SIPA1L1: variants seen among roughly 807,000 people sequenced by gnomAD.
SIPA1L1 encodes signal-induced proliferation-associated 1-like protein 1.
Under a neutral mutation model 162.7 loss-of-function variants are expected in SIPA1L1, and 26 were observed. The ratio of observed to expected loss-of-function variants is 0.16; its 90% confidence interval spans 0.12 to 0.22. The LOEUF is 0.22. Among genes scored for constraint, SIPA1L1 ranks in the 10% least tolerant of loss-of-function variants. SIPA1L1 has a pLI of 1.00. For synonymous variants in SIPA1L1, 829 were observed against 837.4 expected, an observed-to-expected ratio of 0.99 and a Z score of 0.17; for missense variants, 1,874 against 2,241.0, an observed-to-expected ratio of 0.84 and a Z score of 3.31.
chr14:71,343,463 A>C (rs1273968556), intron 2 of SIPA1L1, among the ~76,000 whole-genome samples: 1 of 152,180 alleles, frequency 6.6e-6, no homozygotes, highest in African/African-American at 2.4e-5. Flanking sequence ...GAAGGAAATA[A>C]TTTAAATGTA....
chr14:71,473,175 A>T (rs36529), intron 2 of SIPA1L1, among the ~76,000 whole-genome samples: 18,285 of 152,210 alleles, frequency 0.12, 1,515 homozygotes, highest in East Asian at 0.41. Flanking sequence ...AACAGTACAC[A>T]TTACTTTCAG....
At chr14:71,411,919 C>CT (rs912355337) in intron 2 of SIPA1L1, among the ~76,000 whole-genome samples, 8 of 152,196 alleles carry the variant, frequency 5.3e-5, no homozygotes, top group African/African-American at 1.7e-4. Flanking sequence ...CTGATGGAAT[C>CT]TTTCTAAGTG....
At chr14:71,610,234 A>T (rs1466419361) in intron 5 of SIPA1L1, among the ~76,000 whole-genome samples, 2 of 152,206 alleles carry the variant, frequency 1.3e-5, no homozygotes, top group Non-Finnish European at 2.9e-5. Flanking sequence ...AGTAAAAATA[A>T]AGATGCATTT....
chr14:71,427,706 C>T (rs1248456195), intron 2 of SIPA1L1, among the ~76,000 whole-genome samples: 1 of 152,108 alleles, frequency 6.6e-6, no homozygotes, highest in African/African-American at 2.4e-5. Context: ...TTGATTCCCT[C>T]AGTGGATTTT....
chr14:71,506,485 G>C (rs1297804653), intron 2 of SIPA1L1, among the ~76,000 whole-genome samples: 2 of 151,692 alleles, frequency 1.3e-5, no homozygotes, highest in Non-Finnish European at 2.9e-5. Context: ...GGATTACAGG[G>C]GCGTGCCACC....
In SIPA1L1 at chr14:71,661,597, C is replaced by T. The variant is rs572539198; in HGVS notation, c.2255+130C>T. 10 of 935,182 alleles carry T rather than the reference C, an allele frequency of 1.1e-5. No individual in the cohort carries two copies. The South Asian group carries it at 2.0e-4, about 19-fold the overall frequency. 57.9% of individuals were successfully genotyped at this position (935,182 alleles called of 1,614,324 possible). ...TATTTCTTTTTGTCTTTAAACCATG[C>T]ATGCGGATGGCTGAATTCACATGAT... On this transcript the variant is annotated intron_variant, in intron 10 of 23. Transcript: ENST00000381232.
chr14:71,517,169 T>C (rs2051823786), intron 3 of SIPA1L1, among the ~76,000 whole-genome samples: 1 of 151,944 alleles, frequency 6.6e-6, no homozygotes, highest in South Asian at 2.1e-4. Context: ...AACTGGGGGA[T>C]CACATTATTG....
intron 2 of SIPA1L1, among the ~76,000 whole-genome samples, chr14:71,506,902 G>A (rs1166034529): frequency 2.7e-5 from 4 of 149,918 alleles, no homozygotes; most frequent in African/African-American, 7.4e-5. Context: ...GGGCTCAAGC[G>A]TTCCACCCAC....
At chr14:71,581,195 T>G (rs1440254085) in intron 4 of SIPA1L1, among the ~76,000 whole-genome samples, 19 of 151,992 alleles carry the variant, frequency 1.3e-4, no homozygotes, top group Admixed American at 1.2e-3. Context: ...AGTGGTGGTG[T>G]TTTCTGCTTT....
intron 2 of SIPA1L1, among the ~76,000 whole-genome samples, chr14:71,451,596 T>C (rs890397453): frequency 6.7e-6 from 1 of 148,208 alleles, no homozygotes. Context: ...GATTGTACCA[T>C]TGCACTCCAA....
chr14:71,384,441 G>T (rs567954461), intron 2 of SIPA1L1, among the ~76,000 whole-genome samples: 1 of 152,342 alleles, frequency 6.6e-6, no homozygotes, highest in Non-Finnish European at 1.5e-5. Context: ...AGAACAGCAT[G>T]AGTGGTGCAC....
At chr14:71,634,863 G>A (rs2040965501) in intron 7 of SIPA1L1, among the ~76,000 whole-genome samples, 1 of 151,946 alleles carries the variant, frequency 6.6e-6, no homozygotes, top group Non-Finnish European at 1.5e-5. Flanking sequence ...GGGTACCTGG[G>A]AGGCGGAGCT....
At chr14:71,436,827 C>T (rs554616163) in intron 2 of SIPA1L1, among the ~76,000 whole-genome samples, 36 of 148,054 alleles carry the variant, frequency 2.4e-4, no homozygotes, top group South Asian at 8.6e-4. Flanking sequence ...TGCAGTGGCA[C>T]GATCTCGGCT....
Position 71,672,427 on chromosome 14 carries a change from A to C in SIPA1L1, c.2909A>C (p.Tyr970Ser), listed in dbSNP as rs755293861. ...GLGQLGFHVN[Y>S]EGIVADVEPY... ...GGACAGCTTGGCTTCCATGTCAACT[A>C]TGAGGGCATTGTGGCGGATGTGGAG... Residue 970 changes from tyrosine to serine, a missense_variant, in exon 12 of 24, where the codon TAT becomes TCT. Physicochemically the swap from Tyr to Ser is moderately radical, Grantham distance 144 (BLOSUM62 -2). Coordinates refer to ENST00000381232, the MANE Select transcript of SIPA1L1 (RefSeq NM_001386936.1). 3.1e-6 allele frequency: 5 copies of C among 1,614,230 alleles called. No homozygotes were observed. Among genetic ancestry groups the C allele is most frequent in the African/African-American group, 1.3e-5 (1 of 75,070 alleles).
rs539507455 is a variant in SIPA1L1 at position 71,577,173 on chromosome 14, A to G, written c.-302-10398A>G. Among the ~76,000 whole-genome samples, 7 of 152,204 alleles carry G rather than the reference A, an allele frequency of 4.6e-5. No homozygotes were observed. In the East Asian group the frequency reaches 1.2e-3, roughly 25 times the overall value. ...ACTACCATAGCATTTTTAAAAAGTT[A>G]AAGTTAATTATCAATAAATACTTTT... On this transcript the variant is annotated intron_variant, in intron 4 of 23. Transcript: ENST00000381232.
chr14:71,485,126 T>C (rs746260616), intron 2 of SIPA1L1, among the ~76,000 whole-genome samples: 2 of 152,186 alleles, frequency 1.3e-5, no homozygotes, highest in Non-Finnish European at 2.9e-5. Flanking sequence ...CCAAATGAAA[T>C]GTGTGTCACT....
At chr14:71,731,956 G>A (rs1210432330) in intron 20 of SIPA1L1, among the ~76,000 whole-genome samples, 1 of 152,208 alleles carries the variant, frequency 6.6e-6, no homozygotes, top group Non-Finnish European at 1.5e-5. Flanking sequence ...ATGAGGAAGG[G>A]TGACTTCTTT....
At chr14:71,544,366 A>G (rs1478840947) in intron 4 of SIPA1L1, among the ~76,000 whole-genome samples, 1 of 151,528 alleles carries the variant, frequency 6.6e-6, no homozygotes, top group Non-Finnish European at 1.5e-5. Context: ...TCATATGTGT[A>G]TATATGATTT....
intron 9 of SIPA1L1, among the ~76,000 whole-genome samples, chr14:71,660,368 C>T (rs2043405191): frequency 1.3e-5 from 2 of 152,042 alleles, no homozygotes; most frequent in African/African-American, 4.8e-5. Flanking sequence ...GTTAAAAGTG[C>T]ATTTCCTGAA....
Sources: allele counts gnomAD v4.1 joint callset (sites outside exome capture counted in the v4.1 genomes callset), GRCh38; gene constraint gnomAD v4.1.1; transcripts MANE v1.5; gene names NCBI Gene and HGNC (gene_info 2026-07-23, HGNC 2026-07-21).